The following HEMK2 variants were observed in gnomAD, a reference collection of about 807,000 sequenced individuals.
The protein encoded by HEMK2 is methyltransferase HEMK2.
chr21:28,830,447 T>C, the HEMK2 span, among the ~76,000 whole-genome samples: 14 of 152,316 alleles, frequency 9.2e-5, no homozygotes, highest in African/African-American at 3.4e-4. Flanking sequence ...CTTCCAGCCA[T>C]GCTTCCTGTA....
At chr21:28,883,012 G>C in the HEMK2 span, 1 of 1,605,314 alleles carries the variant, frequency 6.2e-7, no homozygotes, top group South Asian at 1.1e-5. Context: ...GCCTATCATA[G>C]AGGCTAGGAA....
At chr21:28,767,954 C>T in the HEMK2 span, among the ~76,000 whole-genome samples, 1 of 151,994 alleles carries the variant, frequency 6.6e-6, no homozygotes, top group Non-Finnish European at 1.5e-5. Context: ...CCAGCGACCC[C>T]CCTTTTTTTG....
At chr21:28,738,453 G>C in the HEMK2 span, among the ~76,000 whole-genome samples, 2 of 152,202 alleles carry the variant, frequency 1.3e-5, no homozygotes, top group African/African-American at 4.8e-5. Flanking sequence ...GGGCAAGGAA[G>C]GGGGAAAGGG....
the HEMK2 span, among the ~76,000 whole-genome samples, chr21:28,799,684 T>G: frequency 1.3e-5 from 2 of 152,222 alleles, no homozygotes; most frequent in Non-Finnish European, 2.9e-5. Context: ...TCATCAACCA[T>G]ATTAGTGCTT....
At chr21:28,773,287 T>C in the HEMK2 span, among the ~76,000 whole-genome samples, 1 of 152,282 alleles carries the variant, frequency 6.6e-6, no homozygotes, top group East Asian at 1.9e-4. Flanking sequence ...TAATAATTAA[T>C]TAAAGTAGGA....
the HEMK2 span, among the ~76,000 whole-genome samples, chr21:28,811,443 C>T: frequency 4.1e-5 from 5 of 121,116 alleles, no homozygotes; most frequent in East Asian, 2.7e-4. Flanking sequence ...GAGGGACGGA[C>T]GCAGGGAGGG....
the HEMK2 span, among the ~76,000 whole-genome samples, chr21:28,668,546 G>A: frequency 6.6e-6 from 1 of 152,212 alleles, no homozygotes; most frequent in Non-Finnish European, 1.5e-5. Flanking sequence ...TGAACAGGAA[G>A]TAGGTCACTT....
At chr21:28,864,839 A>ATAGG in the HEMK2 span, among the ~76,000 whole-genome samples, 3 of 135,284 alleles carry the variant, frequency 2.2e-5, no homozygotes, top group African/African-American at 8.1e-5. Flanking sequence ...AGATAGATAG[A>ATAGG]TAGATAGATA....
At chr21:28,698,548 A>G in the HEMK2 span, among the ~76,000 whole-genome samples, 1 of 152,180 alleles carries the variant, frequency 6.6e-6, no homozygotes, top group African/African-American at 2.4e-5. Flanking sequence ...AATTTAAAAA[A>G]AGAAAGAAAA....
At chr21:28,744,505 C>A in the HEMK2 span, among the ~76,000 whole-genome samples, 1 of 152,152 alleles carries the variant, frequency 6.6e-6, no homozygotes, top group Non-Finnish European at 1.5e-5. Context: ...GACTACTCAA[C>A]TAGAAAGGCA....
chr21:28,645,817 C>T, the HEMK2 span, among the ~76,000 whole-genome samples: 1 of 152,034 alleles, frequency 6.6e-6, no homozygotes, highest in Non-Finnish European at 1.5e-5. Context: ...GGAAGTAGGC[C>T]CTCACTAGAC....
At chr21:28,843,318 G>A in the HEMK2 span, among the ~76,000 whole-genome samples, 11 of 152,122 alleles carry the variant, frequency 7.2e-5, no homozygotes, top group East Asian at 3.9e-4. Flanking sequence ...TGGCAAAGGC[G>A]AAGGGGAAGA....
chr21:28,864,457 T>G, the HEMK2 span, among the ~76,000 whole-genome samples: 6 of 152,226 alleles, frequency 3.9e-5, no homozygotes, highest in African/African-American at 1.4e-4. Context: ...GCTTAATCTT[T>G]CCTGAAAACT....
At chr21:28,616,138 G>T in the HEMK2 span, among the ~76,000 whole-genome samples, 1 of 152,176 alleles carries the variant, frequency 6.6e-6, no homozygotes, top group Non-Finnish European at 1.5e-5. Context: ...TCAGCTTGCA[G>T]ATCAAATTGT....
the HEMK2 span, among the ~76,000 whole-genome samples, chr21:28,804,841 A>T: frequency 6.6e-6 from 1 of 152,232 alleles, no homozygotes; most frequent in Non-Finnish European, 1.5e-5. Context: ...AGCAGCATTC[A>T]TTGAGTGACA....
At chr21:28,633,356 A>G in the HEMK2 span, among the ~76,000 whole-genome samples, 2 of 152,210 alleles carry the variant, frequency 1.3e-5, no homozygotes, top group Non-Finnish European at 2.9e-5. Context: ...GACATCATTT[A>G]CTATTGAAAA....
the HEMK2 span, among the ~76,000 whole-genome samples, chr21:28,711,041 T>A: frequency 6.6e-6 from 1 of 152,104 alleles, no homozygotes; most frequent in African/African-American, 2.4e-5. Context: ...TTACTTTACT[T>A]CTTCTACATC....
the HEMK2 span, among the ~76,000 whole-genome samples, chr21:28,790,282 CTCTCCCAG>C: frequency 6.6e-6 from 1 of 152,140 alleles, no homozygotes; most frequent in Admixed American, 6.5e-5. Flanking sequence ...TTTCAACCCA[CTCTCCCAG>C]TTGTGTTACA....
the HEMK2 span, among the ~76,000 whole-genome samples, chr21:28,723,785 G>T: frequency 6.6e-6 from 1 of 152,254 alleles, no homozygotes; most frequent in African/African-American, 2.4e-5. Flanking sequence ...ACCCAAAAAT[G>T]ATTTTTTAAA....
Sources: gnomAD v4.1 joint callset for allele counts (sites outside exome capture counted in the v4.1 genomes callset) on GRCh38, gnomAD v4.1.1 for gene constraint, MANE v1.5 for transcripts, NCBI Gene and HGNC (gene_info 2026-07-23, HGNC 2026-07-21) for gene names.